The following SHANK2 variants were observed in gnomAD, a reference collection of about 807,000 sequenced individuals.
SHANK2 encodes SH3 and multiple ankyrin repeat domains 2, also known as SH3 and multiple ankyrin repeat domains protein 2.
In SHANK2, 43 loss-of-function variants were observed where a neutral mutation model predicts 133.7. The ratio of observed to expected loss-of-function variants is 0.32; its 90% CI spans 0.25 to 0.41. The LOEUF is 0.41. Ranked by LOEUF, SHANK2 falls within the 10% of genes least tolerant of loss-of-function variation. The pLI is 1.00. For synonymous variants in SHANK2, 1,017 were observed against 952.8 expected, an observed-to-expected ratio of 1.07 and a Z score of -1.24; for missense variants, 1,994 against 2,235.8, an observed-to-expected ratio of 0.89 and a Z score of 2.18.
chr11:71,129,268 T>G (rs1223028244), intron 3 of SHANK2, among the ~76,000 whole-genome samples: 2 of 152,144 alleles, frequency 1.3e-5, no homozygotes, highest in African/African-American at 4.8e-5. Flanking sequence ...TTGTACTCAG[T>G]GGACTGTGCA....
At chr11:71,157,077 G>T (rs1159755303) in intron 2 of SHANK2, among the ~76,000 whole-genome samples, 1 of 152,080 alleles carries the variant, frequency 6.6e-6, no homozygotes, top group Non-Finnish European at 1.5e-5. Context: ...TAACAAACCT[G>T]CACGTTGTGC....
chr11:70,665,608 C>T (rs113384003), intron 15 of SHANK2, among the ~76,000 whole-genome samples: 175 of 152,302 alleles, frequency 1.1e-3, no homozygotes, highest in African/African-American at 4.0e-3. Flanking sequence ...ATCTAAACAG[C>T]CCCCACTCCC....
chr11:70,473,271 C>A lies in SHANK2; in HGVS notation c.5148G>T (p.Glu1716Asp), dbSNP rs782222558. 6 of 1,612,692 alleles carry A rather than the reference C, an allele frequency of 3.7e-6. No homozygotes were observed. The East Asian group carries it at 1.3e-4, about 36-fold the overall frequency. Residue 1716 changes from glutamate (E) to aspartate (D), a missense_variant, in exon 26 of 26, where the codon GAG becomes GAT. Physicochemically the swap from Glu to Asp is conservative, Grantham distance 45. Transcript: ENST00000601538. The surrounding 1 kb of genome is among the most constrained non-coding windows in gnomAD (Gnocchi z 5.9). ...RAPSPVVSPT[E>D]MNKETLPAPL... Reference sequence around the variant, plus strand: ...GGGCGGGCAGGGTCTCTTTGTTCATCTCTGTTGGCGAGACCACAGGGCTTG... The same window carrying A: ...GGGCGGGCAGGGTCTCTTTGTTCATATCTGTTGGCGAGACCACAGGGCTTG...
At chr11:70,543,154 G>GAAA (rs1340657279) in intron 17 of SHANK2, among the ~76,000 whole-genome samples, 6 of 152,188 alleles carry the variant, frequency 3.9e-5, no homozygotes, top group African/African-American at 1.4e-4. Flanking sequence ...TCAGATCAGA[G>GAAA]GATGCTCTGT....
intron 15 of SHANK2, among the ~76,000 whole-genome samples, chr11:70,682,322 G>A (rs1441044736): frequency 1.3e-5 from 2 of 152,210 alleles, no homozygotes; most frequent in African/African-American, 4.8e-5. Flanking sequence ...ACAGAGTGCA[G>A]AAACAAACTG....
chr11:70,840,950 C>T (rs1377249737), intron 11 of SHANK2, among the ~76,000 whole-genome samples: 2 of 152,150 alleles, frequency 1.3e-5, no homozygotes, highest in Admixed American at 1.3e-4. Flanking sequence ...GCTCTGATCT[C>T]TTCCAGAGGT....
intron 5 of SHANK2, among the ~76,000 whole-genome samples, chr11:71,110,519 C>T (rs1014891847): frequency 2.0e-5 from 3 of 152,166 alleles, no homozygotes; most frequent in Non-Finnish European, 4.4e-5. Flanking sequence ...GCAGGAGGAT[C>T]GCCTGAGCCG....
At chr11:70,810,265 C>T (rs531498119) in intron 12 of SHANK2, among the ~76,000 whole-genome samples, 1 of 152,356 alleles carries the variant, frequency 6.6e-6, no homozygotes, top group African/African-American at 2.4e-5. Flanking sequence ...ACCTGAGAGG[C>T]TTCCCTGCCA....
chr11:70,682,289 A>G (rs1270985453), intron 15 of SHANK2, among the ~76,000 whole-genome samples: 1 of 152,230 alleles, frequency 6.6e-6, no homozygotes, highest in Non-Finnish European at 1.5e-5. Context: ...ACACGAACCC[A>G]TGGGCATGGA....
intron 15 of SHANK2, among the ~76,000 whole-genome samples, chr11:70,683,127 T>A (rs1168051087): frequency 6.6e-6 from 1 of 151,984 alleles, no homozygotes; most frequent in Non-Finnish European, 1.5e-5. Flanking sequence ...TACCGCTCCC[T>A]CCTTTTTTAC....
At chr11:70,850,866 G>A (rs1409356490) in intron 11 of SHANK2, among the ~76,000 whole-genome samples, 2 of 152,202 alleles carry the variant, frequency 1.3e-5, no homozygotes, top group Non-Finnish European at 2.9e-5. Context: ...CCTGACAATT[G>A]TGCTGCTGGG....
At chr11:71,084,255 G>T (rs2136014686) in intron 8 of SHANK2, among the ~76,000 whole-genome samples, 1 of 152,302 alleles carries the variant, frequency 6.6e-6, no homozygotes, top group African/African-American at 2.4e-5. Context: ...ACAGGCATAA[G>T]CCACCGCACC....
intron 17 of SHANK2, among the ~76,000 whole-genome samples, chr11:70,555,742 CA>C (rs2059820962): frequency 6.6e-6 from 1 of 152,092 alleles, no homozygotes; most frequent in South Asian, 2.1e-4. Flanking sequence ...ACAACAACAA[CA>C]AAAAAGCGCT....
chr11:70,609,421 T>C (rs1421208942), intron 17 of SHANK2, among the ~76,000 whole-genome samples: 1 of 151,930 alleles, frequency 6.6e-6, no homozygotes, highest in Non-Finnish European at 1.5e-5. Flanking sequence ...CATTCAGAGG[T>C]TCCTCAGTAA....
rs368875584 is a variant in SHANK2, at chr11:71,138,098, A to G, written c.207+9022T>C. On this transcript the variant is annotated intron_variant, in intron 3 of 25. Coordinates refer to ENST00000601538, the MANE Select transcript of SHANK2 (RefSeq NM_012309.5). ...CACACATACAGCAAAGCACCCGAAC[A>G]CAGCTTCTAACAGTAACGAACCACA... is the stretch of plus-strand genomic sequence containing the variant. 3.5e-4 allele frequency among the ~76,000 whole-genome samples: 21 copies of G among 60,742 alleles called. No individual in the cohort carries two copies. The East Asian group carries it at 8.8e-3, about 25-fold the overall frequency. The allele number at this position is 60,742 out of a possible 152,430, so 39.8% of individuals were successfully genotyped here. A position where few individuals can be genotyped will look rare whatever the true frequency, so the allele number is the denominator to read the frequency against.
rs568038899 is a variant in SHANK2 at position 70,562,713 on chromosome 11, C to G, written c.2062-59782G>C. On this transcript the variant is annotated intron_variant, in intron 17 of 25. Transcript: ENST00000601538. ...CATTTATTCAACTTGAAGAATCTGC[C>G]CTTAAAATAAGGGTGTTTATATCGT... Among the ~76,000 whole-genome samples the G allele has an allele frequency of 3.3e-5, 5 of 152,170 alleles. No homozygotes were observed. In the South Asian group the frequency reaches 8.3e-4, roughly 25 times the overall value.
At chr11:70,525,733 C>T (rs1364557997) in intron 17 of SHANK2, among the ~76,000 whole-genome samples, 2 of 152,044 alleles carry the variant, frequency 1.3e-5, no homozygotes, top group African/African-American at 4.8e-5. Flanking sequence ...CACTTTGCCC[C>T]CTGAACAGCA....
At chr11:70,715,634 A>G (rs1302468360) in intron 14 of SHANK2, among the ~76,000 whole-genome samples, 1 of 152,250 alleles carries the variant, frequency 6.6e-6, no homozygotes, top group Non-Finnish European at 1.5e-5. Context: ...GCTCAGTGGA[A>G]GCATGTATAC....
intron 17 of SHANK2, among the ~76,000 whole-genome samples, chr11:70,538,701 C>T (rs1297878272): frequency 3.9e-5 from 6 of 152,188 alleles, no homozygotes; most frequent in African/African-American, 1.4e-4. Context: ...GCTCTGCCTG[C>T]TCCAGGGGGA....
Sources: allele counts gnomAD v4.1 joint callset (sites outside exome capture counted in the v4.1 genomes callset), GRCh38; gene constraint gnomAD v4.1.1; non-coding constraint Gnocchi (gnomAD v3.1); transcripts MANE v1.5; gene names NCBI Gene and HGNC (gene_info 2026-07-23, HGNC 2026-07-21).